Variants in STMN4 observed in about 807,000 individuals in gnomAD.
The protein encoded by STMN4 is stathmin 4, also known as stathmin-4.
A neutral mutation model predicts 29.1 loss-of-function variants in STMN4; 12 were observed. That is an observed-to-expected ratio of 0.41 (90% CI 0.26 to 0.67). The LOEUF (loss-of-function observed/expected upper bound fraction) is 0.67. STMN4 is among the 30% of genes least tolerant of loss of function. The pLI is 0.30. For synonymous variants in STMN4, 114 were observed against 105.3 expected, an observed-to-expected ratio of 1.08 and a Z score of -0.51; for missense variants, 181 against 262.8, an observed-to-expected ratio of 0.69 and a Z score of 2.15.
chr8:27,247,086 CT>C (rs1801644521), intron 1 of STMN4, among the ~76,000 whole-genome samples: 1 of 151,980 alleles, frequency 6.6e-6, no homozygotes, highest in Non-Finnish European at 1.5e-5. Flanking sequence ...GAAACCCCAT[CT>C]CTACTAAAAA....
intron 6 of STMN4, among the ~76,000 whole-genome samples, chr8:27,237,842 T>A (rs1185289205): frequency 1.3e-5 from 2 of 152,222 alleles, no homozygotes; most frequent in Non-Finnish European, 2.9e-5. Context: ...GTGCAGATTC[T>A]CTATTAGACA....
rs1801294193 is a variant in STMN4 at position 27,235,649 on chromosome 8, G to A, written c.*1197C>T. 1 of 152,196 alleles carries A rather than the reference G, an allele frequency of 6.6e-6. No individual in the cohort carries two copies. Among genetic ancestry groups the A allele is most frequent in the Non-Finnish European group, 1.5e-5 (1 of 68,048 alleles). 9.4% of individuals were successfully genotyped at this position (152,196 alleles called of 1,614,324 possible). On this transcript the variant is annotated 3_prime_UTR_variant, in exon 7 of 7. Coordinates refer to ENST00000350889, the MANE Select transcript of STMN4 (RefSeq NM_030795.4). ...TGTTGCTGTCTCCCCCAATATACAG[G>A]TTGAATCCTAATCCCGACACTACAG... is the stretch of plus-strand genomic sequence containing the variant.
intron 6 of STMN4, among the ~76,000 whole-genome samples, chr8:27,238,991 A>G (rs958621284): frequency 1.3e-5 from 2 of 152,236 alleles, no homozygotes; most frequent in African/African-American, 4.8e-5. Context: ...CCATAACTGG[A>G]GAAGCCTGAG....
chr8:27,241,814 C>A (rs899727226), intron 3 of STMN4, 57 bp from the exon 4 acceptor site: 37 of 1,595,640 alleles, frequency 2.3e-5, no homozygotes, highest in Non-Finnish European at 3.0e-5. Flanking sequence ...TGGTGCCAGA[C>A]CAAACCAAAC....
chr8:27,242,574 C>A, intron 2 of STMN4, 82 bp from the exon 3 acceptor site: 1 of 1,425,880 alleles, frequency 7.0e-7, no homozygotes, highest in Non-Finnish European at 9.8e-7. Flanking sequence ...GGGCTCTGAG[C>A]AGCCCAGGGT....
In STMN4 at chr8:27,241,069, A is replaced by T. The variant is rs1441593463; in HGVS notation, c.384T>A (p.Ala128=). The change falls in exon 5 of 7, where the codon GCT becomes GCA. Residue 128 remains alanine (A), a synonymous_variant. Transcript: ENST00000350889. The stretch of plus-strand genomic sequence containing the variant: ...CAGCATTTACCTTCCTTCGCTCCTC[A>T]GCCGCTTCTAGTTTCTTCTGGATCT... ...LEEIQKKLEA[A]EERRKYQEAE... The T allele has an allele frequency of 6.2e-7, 1 of 1,613,582 alleles. No individual in the cohort carries two copies. Among genetic ancestry groups the T allele is most frequent in the Admixed American group, 1.7e-5 (1 of 59,954 alleles).
intron 1 of STMN4, among the ~76,000 whole-genome samples, chr8:27,244,233 G>A (rs565539788): frequency 1.6e-4 from 25 of 152,282 alleles, no homozygotes; most frequent in African/African-American, 6.0e-4. Context: ...ACATGCCCCA[G>A]AAGTCTTTGG....
intron 6 of STMN4, chr8:27,239,484 C>A: frequency 1.5e-6 from 1 of 684,186 alleles, no homozygotes; most frequent in Non-Finnish European, 2.4e-6. Flanking sequence ...ATTGGAAAGA[C>A]CTGTGACTCA....
chr8:27,257,158 C>T (rs1427663570), intron 1 of STMN4, among the ~76,000 whole-genome samples: 1 of 152,174 alleles, frequency 6.6e-6, no homozygotes, highest in African/African-American at 2.4e-5. Flanking sequence ...ACCTTTTCCC[C>T]TCTGCCTTCT....
intron 2 of STMN4, 73 bp from the exon 3 acceptor site, chr8:27,242,565 G>T: frequency 6.7e-7 from 1 of 1,491,382 alleles, no homozygotes; most frequent in Non-Finnish European, 9.3e-7. Flanking sequence ...ACGGGTCTGG[G>T]GCTCTGAGCA....
intron 1 of STMN4, among the ~76,000 whole-genome samples, chr8:27,250,341 T>C (rs1220417578): frequency 6.6e-6 from 1 of 152,228 alleles, no homozygotes; most frequent in African/African-American, 2.4e-5. Context: ...TTCATAAATG[T>C]GGTTTTCATT....
chr8:27,241,201 T>C lies in STMN4; in HGVS notation c.252A>G (p.Lys84=), dbSNP rs371841519. Residue 84 remains lysine (K), a synonymous_variant, in exon 5 of 7, where the codon AAA becomes AAG. Transcript: ENST00000350889. ...ISDMEVIELN[K]CTSGQSFEVI... ...CTTCAAAGGATTGGCCCGAGGTGCA[T>C]TTGTTCAGCTCGATGACTTCCATGT... The C allele has an allele frequency of 1.6e-4, 255 of 1,614,076 alleles. No individual in the cohort carries two copies. The highest frequency in any genetic ancestry group is 2.0e-4 in the Non-Finnish European group (237 of 1,180,050).
chr8:27,237,030 C>A (rs562330253), intron 6 of STMN4, 125 bp from the exon 7 acceptor site: 7 of 1,058,880 alleles, frequency 6.6e-6, no homozygotes, highest in African/African-American at 1.6e-5. Flanking sequence ...GCTCTGTCTG[C>A]AAAGGCATCC....
At chr8:27,251,601 A>G (rs1801788037) in intron 1 of STMN4, among the ~76,000 whole-genome samples, 1 of 152,056 alleles carries the variant, frequency 6.6e-6, no homozygotes, top group South Asian at 2.1e-4. Context: ...TTAATTACAA[A>G]CATATTCACA....
chr8:27,244,221 G>A lies in STMN4; in HGVS notation c.-78-420C>T, dbSNP rs948155705. ...AACTGTGTGTCCTGGACTTCTCCCC[G>A]CACATGCCCCAGAAGTCTTTGGGCC... On this transcript the variant is annotated intron_variant, in intron 1 of 6. Transcript: ENST00000350889. Among the ~76,000 whole-genome samples, 5 of 152,126 alleles carry A rather than the reference G, an allele frequency of 3.3e-5. No homozygotes were observed. The East Asian group carries it at 5.8e-4, about 18-fold the overall frequency.
At chr8:27,236,953 G>A (rs746090876) in intron 6 of STMN4, 48 bp from the exon 7 acceptor site, 2 of 1,569,762 alleles carry the variant, frequency 1.3e-6, no homozygotes, top group Non-Finnish European at 1.7e-6. Context: ...GGCTGCCCGG[G>A]GACAAAAAGG....
At chr8:27,252,384 A>G (rs1801815769) in intron 1 of STMN4, among the ~76,000 whole-genome samples, 1 of 152,228 alleles carries the variant, frequency 6.6e-6, no homozygotes, top group African/African-American at 2.4e-5. Context: ...AGGAATCGCC[A>G]CAAAGGGCTA....
chr8:27,246,522 A>G (rs61460395), intron 1 of STMN4, among the ~76,000 whole-genome samples: 3,263 of 152,308 alleles, frequency 0.021, 132 homozygotes, highest in African/African-American at 0.071. Context: ...ACATGCATAC[A>G]TGCTCATCCT....
chr8:27,240,159 G>T lies in STMN4; in HGVS notation c.403C>A (p.Gln135Lys). ...AGGTGTTTCAGGAGCTCCGCTTCCT[G>T]GTACTGGGGAAGCATAAAGGCAGAA... The part of the protein sequence containing the change: ...LEAAEERRKY[Q>K]EAELLKHLAE... Residue 135 changes from glutamine (Q) to lysine (K), a missense_variant, in exon 6 of 7, where the codon CAG (glutamine) becomes AAG (lysine). Transcript: ENST00000350889. 6.2e-7 allele frequency: 1 copy of T among 1,613,282 alleles called. No individual in the cohort carries two copies. The highest frequency in any genetic ancestry group is 8.5e-7 in the Non-Finnish European group (1 of 1,179,622).
Sources: allele counts gnomAD v4.1 joint callset (sites outside exome capture counted in the v4.1 genomes callset), GRCh38; gene constraint gnomAD v4.1.1; transcripts MANE v1.5; gene names NCBI Gene and HGNC (gene_info 2026-07-23, HGNC 2026-07-21).